The following PDXDC1 variants were observed in gnomAD, a reference collection of about 807,000 sequenced individuals.
PDXDC1 encodes the protein pyridoxal dependent decarboxylase domain containing 1, also known as pyridoxal-dependent decarboxylase domain-containing protein 1.
In PDXDC1, 42 loss-of-function variants were observed where a neutral mutation model predicts 100.1. That is an observed-to-expected ratio of 0.42 (90% CI 0.33 to 0.54). PDXDC1 has a LOEUF of 0.54. Ranked by LOEUF, PDXDC1 falls within the 20% of genes least tolerant of loss-of-function variation. PDXDC1 has a pLI of 0.10. For missense variants in PDXDC1, 636 were observed against 979.2 expected, an observed-to-expected ratio of 0.65 and a Z score of 4.68; for synonymous variants, 260 against 371.7, an observed-to-expected ratio of 0.70 and a Z score of 3.46.
downstream of PDXDC1, chr16:15,041,643 A>G: frequency 6.2e-7 from 1 of 1,611,654 alleles, no homozygotes; most frequent in Non-Finnish European, 8.5e-7. Context: ...TAATGTCACT[A>G]AGTGAATGTC....
At chr16:15,119,395 C>T (rs1430847676) in intron 16 of PDXDC1, among the ~76,000 whole-genome samples, 6 of 141,556 alleles carry the variant, frequency 4.2e-5, no homozygotes, top group Non-Finnish European at 7.7e-5. Context: ...AGCTGATGAT[C>T]TAAAAAAAAA....
At chr16:15,018,395 T>C (rs1167232912) in intron 11 of PDXDC1, among the ~76,000 whole-genome samples, 1 of 152,238 alleles carries the variant, frequency 6.6e-6, no homozygotes, top group Non-Finnish European at 1.5e-5. Context: ...GGCGACAGAA[T>C]GAAAACGAAA....
chr16:15,084,453 CAAT>C (rs746513317), intron 16 of PDXDC1, among the ~76,000 whole-genome samples: 9 of 149,436 alleles, frequency 6.0e-5, no homozygotes, highest in Non-Finnish European at 1.3e-4. Flanking sequence ...CTTTGAAAAA[CAAT>C]TAAAGAGAAT....
intron 16 of PDXDC1, chr16:15,126,040 T>C (rs1282477028): frequency 5.2e-6 from 2 of 386,074 alleles, no homozygotes; most frequent in Non-Finnish European, 4.8e-6. Context: ...TTCAATTTCA[T>C]TTTTTTTTTT....
intron 16 of PDXDC1, among the ~76,000 whole-genome samples, chr16:15,067,343 T>C: frequency 7.4e-6 from 1 of 134,710 alleles, no homozygotes; most frequent in Non-Finnish European, 1.6e-5. Flanking sequence ...CATTTAAATC[T>C]GTGCTGCCAG....
chr16:15,024,349 T>G (rs1408141751), intron 13 of PDXDC1, among the ~76,000 whole-genome samples: 1 of 152,152 alleles, frequency 6.6e-6, no homozygotes, highest in African/African-American at 2.4e-5. Context: ...ACAGTCTCCT[T>G]TGTATGTGCT....
downstream of PDXDC1, chr16:15,040,125 C>G (rs1469663344): frequency 9.6e-6 from 9 of 935,398 alleles, no homozygotes; most frequent in South Asian, 1.2e-4. Flanking sequence ...AAAGTCTGCA[C>G]AGTCTTACAT....
the PDXDC1 span, among the ~76,000 whole-genome samples, chr16:15,149,060 A>G: frequency 1.3e-5 from 2 of 152,182 alleles, no homozygotes; most frequent in African/African-American, 4.8e-5. Context: ...CCAGCTGCAC[A>G]TGCAGGATGC....
At chr16:15,088,022 G>A (rs1017241011) in intron 16 of PDXDC1, among the ~76,000 whole-genome samples, 18 of 152,020 alleles carry the variant, frequency 1.2e-4, no homozygotes, top group African/African-American at 4.3e-4. Context: ...GCTGAGGCAG[G>A]AGAATTGCTT....
chr16:15,147,232 G>T, the PDXDC1 span, among the ~76,000 whole-genome samples: 1 of 152,068 alleles, frequency 6.6e-6, no homozygotes, highest in African/African-American at 2.4e-5. Flanking sequence ...AGCCCCTCGG[G>T]GAGTGCAAGC....
At chr16:15,076,873 T>C (rs1269321855) in intron 16 of PDXDC1, among the ~76,000 whole-genome samples, 4 of 152,118 alleles carry the variant, frequency 2.6e-5, no homozygotes, top group Non-Finnish European at 5.9e-5. Context: ...TACATACTTA[T>C]ATAAAATCGA....
chr16:15,133,123 G>T, intron 16 of PDXDC1: 1 of 660,536 alleles, frequency 1.5e-6, no homozygotes, highest in South Asian at 1.8e-5. Flanking sequence ...GGAGCGGAAC[G>T]TCGGGGTGCT....
chr16:15,143,635 G>A (rs1365468399), downstream of PDXDC1, among the ~76,000 whole-genome samples: 2 of 152,230 alleles, frequency 1.3e-5, no homozygotes, highest in Non-Finnish European at 2.9e-5. Context: ...TCTTGTGGCT[G>A]GGCCTTCTGC....
At chr16:15,074,309 G>C (rs866340504) in intron 16 of PDXDC1, among the ~76,000 whole-genome samples, 2 of 152,188 alleles carry the variant, frequency 1.3e-5, no homozygotes, top group Non-Finnish European at 2.9e-5. Flanking sequence ...AAAGTTCCAT[G>C]AAGTCAAGAA....
At chr16:15,093,006 C>A (rs1368197588) in intron 16 of PDXDC1, among the ~76,000 whole-genome samples, 1 of 151,974 alleles carries the variant, frequency 6.6e-6, no homozygotes, top group African/African-American at 2.4e-5. Flanking sequence ...CTCTACGTGG[C>A]TGGATTTTTT....
intron 1 of PDXDC1, among the ~76,000 whole-genome samples, chr16:14,992,493 A>G (rs1399516652): frequency 1.3e-5 from 2 of 152,276 alleles, no homozygotes; most frequent in Non-Finnish European, 2.9e-5. Flanking sequence ...AGGGGTGAAG[A>G]TAAATTCTCT....
chr16:14,988,046 A>G (rs1366946954), intron 1 of PDXDC1, among the ~76,000 whole-genome samples: 8 of 148,790 alleles, frequency 5.4e-5, no homozygotes, highest in African/African-American at 7.5e-5. Context: ...TGGAAAGCTT[A>G]CAAAAGGTCC....
intron 1 of PDXDC1, among the ~76,000 whole-genome samples, chr16:14,983,590 A>C (rs1471136712): frequency 1.2e-3 from 182 of 152,158 alleles, no homozygotes; most frequent in African/African-American, 3.9e-3. Context: ...AAAAAAAAAA[A>C]AAAAAAAAAG....
intron 16 of PDXDC1, chr16:15,076,795 T>C (rs369028451): frequency 2.7e-5 from 17 of 637,766 alleles, no homozygotes; most frequent in East Asian, 1.4e-4. Flanking sequence ...TACACAATTA[T>C]GGTGCAAGCC....
Sources: gnomAD v4.1 joint callset for allele counts (sites outside exome capture counted in the v4.1 genomes callset) on GRCh38, gnomAD v4.1.1 for gene constraint, MANE v1.5 for transcripts, NCBI Gene and HGNC (gene_info 2026-07-23, HGNC 2026-07-21) for gene names.